NCK1: variants seen among roughly 807,000 people sequenced by gnomAD.
NCK1 encodes SH2/SH3 adapter protein NCK1.
In NCK1, 19 loss-of-function variants were observed where a neutral mutation model predicts 36.6. The observed-to-expected ratio is 0.52, with a 90% CI of 0.36 to 0.76. The LOEUF (loss-of-function observed/expected upper bound fraction) is 0.76. NCK1 is among the 30% of genes least tolerant of loss of function. NCK1 has a pLI of 0.00. For missense variants in NCK1, 358 were observed against 445.6 expected, an observed-to-expected ratio of 0.80 and a Z score of 1.77; for synonymous variants, 165 against 156.0, an observed-to-expected ratio of 1.06 and a Z score of -0.43.
Position 136,928,196 on chromosome 3 carries a change from A to G in NCK1, c.195A>G (p.Ala65=), listed in dbSNP as rs751517125. The G allele has an allele frequency of 8.7e-6, 14 of 1,613,766 alleles. No individual in the cohort carries two copies. The highest frequency in any genetic ancestry group is 4.4e-5 in the South Asian group (4 of 90,966). ...AAAGGAAAAACAGTGCTCGGAAAGC[A>G]TCTATTGTGAAAAACCTAAAGGATA... ...YVERKNSARK[A]SIVKNLKDTL... Residue 65 remains alanine (A), a synonymous_variant, in exon 2 of 4, where the codon GCA becomes GCG. Coordinates refer to ENST00000481752, the MANE Select transcript of NCK1 (RefSeq NM_001291999.2).
At chr3:136,895,456 T>A (rs1028878548) in intron 1 of NCK1, among the ~76,000 whole-genome samples, 1 of 151,904 alleles carries the variant, frequency 6.6e-6, no homozygotes, top group African/African-American at 2.4e-5. Flanking sequence ...ACCACCTTTT[T>A]AAAAAAAAGG....
chr3:136,882,433 C>T (rs1039250170), intron 1 of NCK1, among the ~76,000 whole-genome samples: 6 of 152,194 alleles, frequency 3.9e-5, no homozygotes, highest in Admixed American at 3.9e-4. Flanking sequence ...ATTCTTCACA[C>T]AGCAGCACAC....
chr3:136,930,599 G>C, intron 2 of NCK1: 4 of 1,463,068 alleles, frequency 2.7e-6, no homozygotes, highest in Non-Finnish European at 2.7e-6. Context: ...TTTTCAGTAA[G>C]TTAATCTGTT....
At chr3:136,909,379 A>G (rs1009133767) in intron 1 of NCK1, among the ~76,000 whole-genome samples, 2 of 152,114 alleles carry the variant, frequency 1.3e-5, no homozygotes, top group Admixed American at 6.5e-5. Context: ...AGGAGCTGAA[A>G]CTCATAATTT....
intron 2 of NCK1, among the ~76,000 whole-genome samples, chr3:136,944,709 T>C (rs1217600125): frequency 6.6e-6 from 1 of 152,144 alleles, no homozygotes; most frequent in East Asian, 1.9e-4. Context: ...GTGAGGATAA[T>C]GAGAGTTTTG....
At chr3:136,882,014 C>T (rs1022351825) in intron 1 of NCK1, among the ~76,000 whole-genome samples, 7 of 152,062 alleles carry the variant, frequency 4.6e-5, no homozygotes, top group African/African-American at 1.7e-4. Context: ...GTTCAGGTTC[C>T]TGCTTTCAGT....
In NCK1 at chr3:136,867,217, T is replaced by A. The variant is rs1576937748; in HGVS notation, c.-19+4864T>A. Among the ~76,000 whole-genome samples the A allele has an allele frequency of 2.1e-5, 3 of 145,096 alleles. No individual in the cohort carries two copies. In the Admixed American group the frequency reaches 2.1e-4, roughly 10 times the overall value. On this transcript the variant is annotated intron_variant, in intron 1 of 3. Transcript: ENST00000481752. ...TCTTTCTTTTCCCTTCCTTCCTTCC[T>A]TCCTTCCGTCCATCCATCCGTCTGT...
chr3:136,948,245 T>A lies in NCK1; in HGVS notation c.940-14T>A, dbSNP rs1940878595. The A allele has an allele frequency of 6.4e-7, 1 of 1,568,274 alleles. No individual in the cohort carries two copies. The highest frequency in any genetic ancestry group is 1.4e-5 in the African/African-American group (1 of 72,362). On this transcript the variant is annotated splice_polypyrimidine_tract_variant and intron_variant, in intron 3 of 3. Transcript: ENST00000481752. ...CAAAATGTTTACTATATGTATCTTT[T>A]TTTTCTCTTTTAGCCAAATGATTTC...
chr3:136,867,035 C>A, intron 1 of NCK1, among the ~76,000 whole-genome samples: 3 of 148,744 alleles, frequency 2.0e-5, no homozygotes, highest in Non-Finnish European at 3.0e-5. Context: ...TTCCTGTTCC[C>A]TATGTTGCTT....
intron 1 of NCK1, among the ~76,000 whole-genome samples, chr3:136,892,803 A>G (rs1163194861): frequency 6.6e-6 from 1 of 152,136 alleles, no homozygotes. Flanking sequence ...AAGATTATAC[A>G]TGAGACTTTT....
intron 1 of NCK1, among the ~76,000 whole-genome samples, chr3:136,864,685 A>T (rs1335709061): frequency 6.6e-6 from 1 of 151,954 alleles, no homozygotes; most frequent in Non-Finnish European, 1.5e-5. Context: ...AAGAAAATAT[A>T]AAAAAATTTA....
intron 1 of NCK1, among the ~76,000 whole-genome samples, chr3:136,893,062 C>G (rs542886796): frequency 6.7e-6 from 1 of 148,330 alleles, no homozygotes; most frequent in Admixed American, 6.7e-5. Context: ...TGAGTTACTT[C>G]AGTTAGAATA....
intron 2 of NCK1, among the ~76,000 whole-genome samples, chr3:136,931,857 A>G (rs1473848227): frequency 6.6e-6 from 1 of 152,292 alleles, no homozygotes; most frequent in East Asian, 1.9e-4. Flanking sequence ...TGGCAGCTCA[A>G]GCCTGTAATC....
At chr3:136,899,868 C>CTT in intron 1 of NCK1, 36 of 1,141,138 alleles carry the variant, frequency 3.2e-5, no homozygotes, top group East Asian at 5.7e-5. Context: ...TAAAGCCATC[C>CTT]TTTTTTTTTT....
rs994154583 is a variant in NCK1 at position 136,950,227 on chromosome 3, T to C, written c.*1774T>C. Among the ~76,000 whole-genome samples the C allele has an allele frequency of 6.6e-6, 1 of 152,132 alleles. No homozygotes were observed. The highest frequency in any genetic ancestry group is 1.5e-5 in the Non-Finnish European group (1 of 67,970). Reference sequence around the variant, plus strand: ...GATGCTTTCCTTTTCTCTGTATGTTTCTGGGTTTTCCCCCAGTCTTCCTTA... The same window carrying C: ...GATGCTTTCCTTTTCTCTGTATGTTCCTGGGTTTTCCCCCAGTCTTCCTTA... On this transcript the variant is annotated 3_prime_UTR_variant, in exon 4 of 4. Coordinates refer to ENST00000481752, the MANE Select transcript of NCK1 (RefSeq NM_001291999.2).
At chr3:136,932,544 C>T (rs1427087795) in intron 2 of NCK1, among the ~76,000 whole-genome samples, 1 of 152,008 alleles carries the variant, frequency 6.6e-6, no homozygotes, top group Non-Finnish European at 1.5e-5. Flanking sequence ...TAAATAAAAA[C>T]CTGTAATGGA....
At chr3:136,944,990 A>G (rs564408747) in intron 2 of NCK1, among the ~76,000 whole-genome samples, 2 of 152,342 alleles carry the variant, frequency 1.3e-5, no homozygotes, top group East Asian at 3.9e-4. Context: ...TGGAGGTTAC[A>G]TATGACTGGG....
intron 2 of NCK1, among the ~76,000 whole-genome samples, chr3:136,944,204 C>T (rs1213257818): frequency 2.0e-5 from 3 of 148,112 alleles, no homozygotes; most frequent in South Asian, 2.1e-4. Flanking sequence ...CTGCAACCTC[C>T]GCCTGCCAGG....
chr3:136,921,960 A>G (rs1262359712), intron 1 of NCK1, among the ~76,000 whole-genome samples: 1 of 151,964 alleles, frequency 6.6e-6, no homozygotes, highest in Non-Finnish European at 1.5e-5. Context: ...ATTTTATTGT[A>G]TTTTAGTAGA....
Sources: allele counts gnomAD v4.1 joint callset (sites outside exome capture counted in the v4.1 genomes callset), GRCh38; gene constraint gnomAD v4.1.1; transcripts MANE v1.5; gene names NCBI Gene and HGNC (gene_info 2026-07-23, HGNC 2026-07-21).